Variants in CFH observed in about 807,000 individuals in gnomAD.
CFH encodes the protein H factor 1 (complement).
CFH carries 53 observed loss-of-function variants against 147.3 expected under a neutral mutation model. The ratio of observed to expected loss-of-function variants is 0.36; its 90% CI spans 0.29 to 0.45. The LOEUF (loss-of-function observed/expected upper bound fraction) is 0.45. CFH is among the 20% of genes least tolerant of loss of function. The pLI, the probability that CFH is intolerant of heterozygous loss-of-function variation, is 1.00. For missense variants in CFH, 1,380 were observed against 1,498.0 expected, an observed-to-expected ratio of 0.92 and a Z score of 1.30; for synonymous variants, 536 against 489.4, an observed-to-expected ratio of 1.10 and a Z score of -1.26.
At chr1:196,730,230 C>T (rs1354871488) in intron 15 of CFH, among the ~76,000 whole-genome samples, 3 of 151,876 alleles carry the variant, frequency 2.0e-5, no homozygotes, top group African/African-American at 7.2e-5. Flanking sequence ...TTCCTAAAAA[C>T]ATCCATCTTA....
intron 6 of CFH, among the ~76,000 whole-genome samples, chr1:196,680,942 G>A (rs990984871): frequency 6.6e-6 from 1 of 151,822 alleles, no homozygotes. Context: ...ATTTTAGAAA[G>A]AAATTAATGA....
chr1:196,683,267 G>C (rs1667716797), intron 6 of CFH, among the ~76,000 whole-genome samples: 1 of 151,654 alleles, frequency 6.6e-6, no homozygotes, highest in African/African-American at 2.4e-5. Context: ...ATATTACAGA[G>C]TTTTATCTGT....
At chr1:196,701,310 T>C in intron 9 of CFH, 1 of 1,613,730 alleles carries the variant, frequency 6.2e-7, no homozygotes, top group South Asian at 1.1e-5. Flanking sequence ...CTCTTCAATC[T>C]TTCCCAGGCT....
intron 3 of CFH, among the ~76,000 whole-genome samples, chr1:196,674,551 TC>T (rs1667391789): frequency 6.6e-6 from 1 of 151,892 alleles, no homozygotes; most frequent in South Asian, 2.1e-4. Flanking sequence ...TGTTATTTTA[TC>T]CCCCTTATTC....
At chr1:196,737,055 T>C (rs1669422817) in intron 16 of CFH, 49 bp downstream of exon 16, 4 of 1,472,066 alleles carry the variant, frequency 2.7e-6, no homozygotes, top group Non-Finnish European at 1.9e-6. Context: ...ATGAGGTTAA[T>C]ATTCTCTTGT....
intron 14 of CFH, 41 bp downstream of exon 14, chr1:196,726,981 A>C (rs745873994): frequency 1.5e-5 from 24 of 1,562,312 alleles, no homozygotes; most frequent in Non-Finnish European, 2.1e-5. Flanking sequence ...ACAAAGTTTA[A>C]TATTTTTATT....
At chr1:196,686,478 A>G (rs1667832543) in intron 7 of CFH, among the ~76,000 whole-genome samples, 1 of 151,942 alleles carries the variant, frequency 6.6e-6, no homozygotes. Flanking sequence ...CCCCTTTTTA[A>G]TGTTTTTTCT....
chr1:196,680,209 G>A (rs1254372572), intron 6 of CFH, among the ~76,000 whole-genome samples: 2 of 150,056 alleles, frequency 1.3e-5, no homozygotes, highest in Admixed American at 1.3e-4. Flanking sequence ...ACCAGGTGAG[G>A]AAACTCTCAA....
intron 9 of CFH, among the ~76,000 whole-genome samples, chr1:196,712,050 C>T (rs1480351447): frequency 6.6e-6 from 1 of 152,080 alleles, no homozygotes; most frequent in African/African-American, 2.4e-5. Flanking sequence ...CTGAATTCTC[C>T]TTCTCCATGC....
At chr1:196,655,465 G>T (rs1666654778) in intron 1 of CFH, among the ~76,000 whole-genome samples, 1 of 152,306 alleles carries the variant, frequency 6.6e-6, no homozygotes, top group Middle Eastern at 3.4e-3. Context: ...TCTAAGTATT[G>T]CTAACTAAAA....
At chr1:196,700,773 C>T (rs1205225309) in intron 9 of CFH, 4 of 976,926 alleles carry the variant, frequency 4.1e-6, no homozygotes. Context: ...GCTCAAGAAG[C>T]TGCTTAGTTA....
At chr1:196,729,542 C>T (rs1349828929) in intron 15 of CFH, among the ~76,000 whole-genome samples, 1 of 151,802 alleles carries the variant, frequency 6.6e-6, no homozygotes, top group Non-Finnish European at 1.5e-5. Context: ...GGGATTTTGC[C>T]TGTAGTTTTC....
intron 3 of CFH, 81 bp from the exon 4 acceptor site, chr1:196,675,908 T>G: frequency 1.2e-6 from 1 of 857,084 alleles, no homozygotes; most frequent in African/African-American, 1.7e-5. Context: ...ATGGAGTTTC[T>G]GGACACTCAG....
intron 9 of CFH, among the ~76,000 whole-genome samples, chr1:196,702,286 T>C (rs1477155996): frequency 6.6e-6 from 1 of 151,984 alleles, no homozygotes; most frequent in Non-Finnish European, 1.5e-5. Context: ...GGGGACTCCA[T>C]TTAGGCAGGG....
At chr1:196,659,512 G>A (rs895109311) in intron 1 of CFH, among the ~76,000 whole-genome samples, 1 of 152,152 alleles carries the variant, frequency 6.6e-6, no homozygotes, top group African/African-American at 2.4e-5. Flanking sequence ...TTGCTAAGCA[G>A]GGCTACCCAT....
At chr1:196,707,414 G>A (rs185563938) in intron 9 of CFH, among the ~76,000 whole-genome samples, 1 of 152,176 alleles carries the variant, frequency 6.6e-6, no homozygotes, top group Admixed American at 6.6e-5. Flanking sequence ...CTATTCACGA[G>A]TTTGTGGTTC....
chr1:196,696,162 T>A (rs1668258784), intron 9 of CFH, among the ~76,000 whole-genome samples: 1 of 152,060 alleles, frequency 6.6e-6, no homozygotes, highest in South Asian at 2.1e-4. Flanking sequence ...CAAGTGTTCT[T>A]CTTGGCACTA....
chr1:196,687,211 A>G (rs1005147802), intron 7 of CFH, among the ~76,000 whole-genome samples: 8 of 152,092 alleles, frequency 5.3e-5, no homozygotes, highest in Non-Finnish European at 1.5e-5. Context: ...TGTTTGAGCC[A>G]ACTTTATGAT....
intron 6 of CFH, among the ~76,000 whole-genome samples, chr1:196,681,593 A>C (rs977847452): frequency 1.3e-5 from 2 of 151,682 alleles, no homozygotes; most frequent in African/African-American, 2.4e-5. Context: ...ATTCAATACT[A>C]TGCTTGCAGG....
Sources: gnomAD v4.1 joint callset for allele counts (sites outside exome capture counted in the v4.1 genomes callset) on GRCh38, gnomAD v4.1.1 for gene constraint, MANE v1.5 for transcripts, NCBI Gene and HGNC (gene_info 2026-07-23, HGNC 2026-07-21) for gene names.